The following EYA2 variants were observed in gnomAD, a reference collection of about 807,000 sequenced individuals.
EYA2 encodes the protein EYA transcriptional coactivator and phosphatase 2, also known as protein phosphatase EYA2.
EYA2 carries 31 observed loss-of-function variants against 69.2 expected under a neutral mutation model. The observed-to-expected ratio is 0.45, with a 90% CI of 0.34 to 0.60. The LOEUF is 0.60. Among genes scored for constraint, EYA2 ranks in the 20% least tolerant of loss-of-function variants. EYA2 has a pLI of 0.02. For synonymous variants in EYA2, 257 were observed against 279.4 expected, an observed-to-expected ratio of 0.92 and a Z score of 0.80; for missense variants, 622 against 701.2, an observed-to-expected ratio of 0.89 and a Z score of 1.28.
intron 1 of EYA2, among the ~76,000 whole-genome samples, chr20:46,940,883 C>T (rs753484408): frequency 7.9e-5 from 12 of 152,326 alleles, no homozygotes; most frequent in East Asian, 3.9e-4. Flanking sequence ...ACCCGCAGAA[C>T]GGGGCCAGTG....
intron 9 of EYA2, among the ~76,000 whole-genome samples, chr20:47,131,490 G>A (rs149393574): frequency 1.3e-5 from 2 of 152,308 alleles, no homozygotes; most frequent in Non-Finnish European, 2.9e-5. Flanking sequence ...CCCCAAAGAC[G>A]TCCACATCCT....
At chr20:46,902,043 G>A (rs1216777866) in intron 1 of EYA2, among the ~76,000 whole-genome samples, 1 of 152,170 alleles carries the variant, frequency 6.6e-6, no homozygotes, top group Non-Finnish European at 1.5e-5. Flanking sequence ...CGCTCAAAAT[G>A]TCTCAGCATT....
chr20:47,114,537 C>A (rs2032839919), intron 9 of EYA2, among the ~76,000 whole-genome samples: 1 of 152,170 alleles, frequency 6.6e-6, no homozygotes, highest in Non-Finnish European at 1.5e-5. Context: ...ATCACTTGAA[C>A]CCAGGAGATG....
intron 9 of EYA2, among the ~76,000 whole-genome samples, chr20:47,102,413 C>T (rs953925749): frequency 6.6e-6 from 1 of 152,196 alleles, no homozygotes; most frequent in African/African-American, 2.4e-5. Context: ...AGTATGAAGG[C>T]CCATGGATGT....
chr20:46,989,928 G>A lies in EYA2; in HGVS notation c.-10-73G>A, dbSNP rs976891558. ...TCAGTTGTAATATTTATACTCTTAG[G>A]GAAAGAAATAGGAATCATTAGCAAG... On this transcript the variant is annotated intron_variant, in intron 1 of 15. Coordinates refer to ENST00000327619, the MANE Select transcript of EYA2 (RefSeq NM_005244.5). The A allele has an allele frequency of 2.6e-5, 20 of 766,350 alleles. No individual in the cohort carries two copies. The East Asian group carries it at 3.8e-4, about 15-fold the overall frequency. The allele number at this position is 766,350 out of a possible 1,614,324, so 47.5% of individuals were successfully genotyped here.
intron 1 of EYA2, among the ~76,000 whole-genome samples, chr20:46,975,247 T>A (rs984755579): frequency 6.6e-6 from 1 of 152,236 alleles, no homozygotes; most frequent in African/African-American, 2.4e-5. Context: ...AACCTCAGTT[T>A]CCTGGCTTTG....
At chr20:46,899,137 C>G (rs1983966398) in intron 1 of EYA2, among the ~76,000 whole-genome samples, 1 of 152,216 alleles carries the variant, frequency 6.6e-6, no homozygotes, top group Non-Finnish European at 1.5e-5. Flanking sequence ...ATGACCGACA[C>G]AGGGCCAGAC....
At chr20:46,918,171 A>C (rs1232990457) in intron 1 of EYA2, among the ~76,000 whole-genome samples, 1 of 151,712 alleles carries the variant, frequency 6.6e-6, no homozygotes. Flanking sequence ...AATACAAAAA[A>C]TTAGCCGGGC....
chr20:47,122,198 A>G (rs942196204), intron 9 of EYA2, among the ~76,000 whole-genome samples: 4 of 150,220 alleles, frequency 2.7e-5, no homozygotes, highest in Admixed American at 6.7e-5. Flanking sequence ...CTCATTCCCT[A>G]TCATCTCCCT....
chr20:46,931,332 A>G lies in EYA2; in HGVS notation c.-11+36345A>G, dbSNP rs192856381. On this transcript the variant is annotated intron_variant, in intron 1 of 15. Coordinates refer to ENST00000327619, the MANE Select transcript of EYA2 (RefSeq NM_005244.5). ...ATCTTCTCTTTTTTAACCACAGTGA[A>G]TGTCTTAGAGGAGGGGCTGGTGTTT... 1.2e-3 allele frequency among the ~76,000 whole-genome samples: 176 copies of G among 152,294 alleles called. 1 individual carries two copies. Among genetic ancestry groups the G allele is most frequent in the African/African-American group, 3.6e-3 (148 of 41,572 alleles).
Position 47,178,896 on chromosome 20 carries a change from CTAT to C in EYA2, c.1199-897_1199-895del, listed in dbSNP as rs555588541. 2.7e-3 allele frequency among the ~76,000 whole-genome samples: 404 copies of C among 148,690 alleles called. 7 individuals are homozygous for C. Among genetic ancestry groups the C allele is most frequent in the African/African-American group, 9.6e-3 (385 of 40,280 alleles). ...GGTGGATGGATGGGTGGATAGGTGT[CTAT>C]TATTTTCTCCCTATGGTGAGCAAGT... On this transcript the variant is annotated intron_variant, in intron 12 of 15. Coordinates refer to ENST00000327619, the MANE Select transcript of EYA2 (RefSeq NM_005244.5).
chr20:47,107,521 G>A (rs150498397), intron 9 of EYA2, among the ~76,000 whole-genome samples: 2,271 of 41,942 alleles, frequency 0.054, 51 homozygotes, highest in African/African-American at 0.16. Context: ...GTGAGACTCT[G>A]TATCAAAAAA....
chr20:46,916,860 G>A (rs140618483), intron 1 of EYA2, among the ~76,000 whole-genome samples: 2 of 152,130 alleles, frequency 1.3e-5, no homozygotes, highest in African/African-American at 2.4e-5. Context: ...TCTACTGTTC[G>A]AAGTGAGCTT....
At chr20:47,157,039 T>G (rs2033966239) in intron 10 of EYA2, among the ~76,000 whole-genome samples, 2 of 151,914 alleles carry the variant, frequency 1.3e-5, no homozygotes, top group Admixed American at 1.3e-4. Flanking sequence ...AGTTTACTGA[T>G]CAGCAACGTG....
At chr20:47,186,045 A>T (rs2146682085) in intron 15 of EYA2, among the ~76,000 whole-genome samples, 1 of 152,208 alleles carries the variant, frequency 6.6e-6, no homozygotes, top group Non-Finnish European at 1.5e-5. Context: ...TGCTTAAATG[A>T]CACTCCCTGG....
chr20:47,001,299 G>C, intron 2 of EYA2, 129 bp from the exon 3 acceptor site: 1 of 778,894 alleles, frequency 1.3e-6, no homozygotes, highest in Middle Eastern at 2.3e-4. Flanking sequence ...ATAAGCATCT[G>C]TGGTGGAGAA....
chr20:46,929,932 C>G (rs1458969556), intron 1 of EYA2, among the ~76,000 whole-genome samples: 2 of 152,104 alleles, frequency 1.3e-5, no homozygotes, highest in African/African-American at 4.8e-5. Context: ...ATAAAATGAC[C>G]CCTCTGTAAA....
At chr20:46,911,352 C>T (rs1984634463) in intron 1 of EYA2, among the ~76,000 whole-genome samples, 1 of 152,134 alleles carries the variant, frequency 6.6e-6, no homozygotes, top group African/African-American at 2.4e-5. Context: ...GCTCCAGGCG[C>T]TCACCACCAG....
intron 9 of EYA2, among the ~76,000 whole-genome samples, chr20:47,105,544 G>A (rs140453930): frequency 0.01 from 1,563 of 149,396 alleles, 25 homozygotes; most frequent in African/African-American, 0.037. Flanking sequence ...AGAATCACTT[G>A]AACCTGGGAG....
Sources: gnomAD v4.1 joint callset for allele counts (sites outside exome capture counted in the v4.1 genomes callset) on GRCh38, gnomAD v4.1.1 for gene constraint, MANE v1.5 for transcripts, NCBI Gene and HGNC (gene_info 2026-07-23, HGNC 2026-07-21) for gene names.